Variants in WDPCP observed in about 807,000 individuals in gnomAD.
WDPCP encodes WD repeat-containing and planar cell polarity effector protein fritz homolog.
WDPCP carries 71 observed loss-of-function variants against 93.1 expected under a neutral mutation model. That is an observed-to-expected ratio of 0.76 (90% CI 0.63 to 0.93). The LOEUF is 0.93. Among genes scored for constraint, WDPCP ranks in the 40% least tolerant of loss-of-function variants. The pLI, the probability that WDPCP is intolerant of heterozygous loss-of-function variation, is 0.00. For synonymous variants in WDPCP, 315 were observed against 315.0 expected, an observed-to-expected ratio of 1.00 and a Z score of 0.00; for missense variants, 844 against 887.4, an observed-to-expected ratio of 0.95 and a Z score of 0.62.
intron 6 of WDPCP, among the ~76,000 whole-genome samples, chr2:63,465,901 A>G (rs1189847090): frequency 4.6e-5 from 7 of 152,202 alleles, no homozygotes; most frequent in Non-Finnish European, 1.0e-4. Context: ...TGGGGCTAAT[A>G]GTTTGTATCT....
At chr2:63,384,264 T>C (rs1216210619) in intron 10 of WDPCP, among the ~76,000 whole-genome samples, 4 of 152,042 alleles carry the variant, frequency 2.6e-5, no homozygotes, top group Non-Finnish European at 2.9e-5. Flanking sequence ...CAAACTTCTG[T>C]CTCAGCTGAG....
chr2:63,349,469 C>G (rs1441053146), intron 12 of WDPCP, among the ~76,000 whole-genome samples: 1 of 151,772 alleles, frequency 6.6e-6, no homozygotes, highest in Non-Finnish European at 1.5e-5. Context: ...TATTTTGTAC[C>G]TCTAGACTAT....
intron 2 of WDPCP, among the ~76,000 whole-genome samples, chr2:63,760,936 A>G (rs1670047427): frequency 6.6e-6 from 1 of 152,012 alleles, no homozygotes; most frequent in African/African-American, 2.4e-5. Context: ...GGTACATCCA[A>G]TACTCTATTA....
At chr2:63,313,546 A>G (rs1263376008) in intron 12 of WDPCP, among the ~76,000 whole-genome samples, 3 of 152,142 alleles carry the variant, frequency 2.0e-5, no homozygotes, top group Non-Finnish European at 4.4e-5. Context: ...AAGAATAAAC[A>G]TAACCCCAAG....
At chr2:63,575,530 A>G (rs74181286) in intron 1 of WDPCP, among the ~76,000 whole-genome samples, 9,674 of 19,460 alleles carry the variant, frequency 0.5, 2,467 homozygotes, top group East Asian at 0.88. Context: ...TATATACAGT[A>G]TATACACTGT....
At chr2:63,243,455 T>A (rs34984815) in intron 14 of WDPCP, among the ~76,000 whole-genome samples, 1 of 152,034 alleles carries the variant, frequency 6.6e-6, no homozygotes, top group African/African-American at 2.4e-5. Flanking sequence ...TTTGTGAACA[T>A]CTCCCATTTT....
chr2:63,801,525 A>G (rs1670694557), intron 2 of WDPCP, among the ~76,000 whole-genome samples: 1 of 152,218 alleles, frequency 6.6e-6, no homozygotes, highest in African/African-American at 2.4e-5. Flanking sequence ...TGGGGTGGCC[A>G]GCTTCTATTC....
At chr2:63,640,860 A>G (rs888176599) in intron 3 of WDPCP, among the ~76,000 whole-genome samples, 13 of 152,184 alleles carry the variant, frequency 8.5e-5, no homozygotes, top group Admixed American at 8.5e-4. Context: ...GTACAATTAA[A>G]TTATTATCGA....
intron 2 of WDPCP, among the ~76,000 whole-genome samples, chr2:63,715,155 T>C (rs1669319793): frequency 6.6e-6 from 1 of 152,208 alleles, no homozygotes; most frequent in African/African-American, 2.4e-5. Context: ...TTGTGGTAAG[T>C]GGGTATGGAT....
Position 63,484,586 on chromosome 2 carries a change from C to T in WDPCP, c.384+18G>A. 2 of 1,612,550 alleles carry T rather than the reference C, an allele frequency of 1.2e-6. No homozygotes were observed. On this transcript the variant is annotated intron_variant, in intron 6 of 17. Transcript: ENST00000272321. ...CTCCATTGGTTAAACACTGCAAAGG[C>T]TTGTCAAATCATTTTACCTGACAGA...
chr2:63,742,935 C>A (rs1206062515), intron 2 of WDPCP, among the ~76,000 whole-genome samples: 2 of 151,830 alleles, frequency 1.3e-5, no homozygotes, highest in Non-Finnish European at 2.9e-5. Flanking sequence ...CAGCATGACA[C>A]ATGACGCAGG....
chr2:63,722,035 A>G (rs1370580395), intron 2 of WDPCP, among the ~76,000 whole-genome samples: 7 of 151,754 alleles, frequency 4.6e-5, no homozygotes, highest in Non-Finnish European at 7.4e-5. Context: ...TCAGTGCTCA[A>G]TGGTGCCCAG....
intron 17 of WDPCP, among the ~76,000 whole-genome samples, chr2:63,139,408 C>G (rs1670896547): frequency 6.6e-6 from 1 of 152,212 alleles, no homozygotes; most frequent in Non-Finnish European, 1.5e-5. Context: ...CACTGTTTTC[C>G]ATAGTGGCTG....
rs148016935 is a variant in WDPCP at position 63,567,419 on chromosome 2, T to C, written c.75+20778A>G. 4.6e-5 allele frequency among the ~76,000 whole-genome samples: 7 copies of C among 152,332 alleles called. No homozygotes were observed. In the East Asian group the frequency reaches 1.2e-3, roughly 25 times the overall value. On this transcript the variant is annotated intron_variant, in intron 1 of 17. Transcript: ENST00000272321. Reference sequence around the variant, plus strand: ...AAAAACCAAGAACAAAGACCAAGTATATATTTCATTTCCCATTATATCACA... The same window carrying C: ...AAAAACCAAGAACAAAGACCAAGTACATATTTCATTTCCCATTATATCACA...
chr2:63,166,190 C>T (rs1246277586), intron 15 of WDPCP, among the ~76,000 whole-genome samples: 1 of 151,740 alleles, frequency 6.6e-6, no homozygotes, highest in African/African-American at 2.4e-5. Flanking sequence ...CCTCAGCCTC[C>T]CAAGTAGCTG....
chr2:63,587,075 AG>A (rs987522580), intron 1 of WDPCP, among the ~76,000 whole-genome samples: 8 of 152,208 alleles, frequency 5.3e-5, no homozygotes, highest in Admixed American at 5.2e-4. Context: ...TTCATTTAGG[AG>A]GATAATGGAA....
chr2:63,788,251 G>A (rs1558910828), intron 2 of WDPCP, among the ~76,000 whole-genome samples: 2 of 152,062 alleles, frequency 1.3e-5, no homozygotes, highest in South Asian at 4.2e-4. Flanking sequence ...TTCCAGTACA[G>A]TCAAGTACCA....
At chr2:63,734,375 T>C (rs1382678443) in intron 2 of WDPCP, among the ~76,000 whole-genome samples, 1 of 152,208 alleles carries the variant, frequency 6.6e-6, no homozygotes, top group Admixed American at 6.5e-5. Flanking sequence ...CACTTTATTA[T>C]ATATACATAT....
intron 2 of WDPCP, among the ~76,000 whole-genome samples, chr2:63,657,582 G>A (rs1285627676): frequency 1.3e-5 from 2 of 152,072 alleles, no homozygotes; most frequent in Non-Finnish European, 2.9e-5. Context: ...ATATTTAAAG[G>A]CAACTGCAAT....
Sources: gnomAD v4.1 joint callset for allele counts (sites outside exome capture counted in the v4.1 genomes callset) on GRCh38, gnomAD v4.1.1 for gene constraint, MANE v1.5 for transcripts, NCBI Gene and HGNC (gene_info 2026-07-23, HGNC 2026-07-21) for gene names.